The following AK8 variants were observed in gnomAD, a reference collection of about 807,000 sequenced individuals.
AK8 encodes the protein ATP-AMP transphosphorylase 8.
A neutral mutation model predicts 54.6 loss-of-function variants in AK8; 44 were observed. The ratio of observed to expected loss-of-function variants is 0.81; its 90% CI spans 0.63 to 1.04. AK8 has a LOEUF of 1.04. Among genes scored for constraint, AK8 ranks in the 50% least tolerant of loss-of-function variants. The pLI is 0.00. For missense variants in AK8, 555 were observed against 613.6 expected (o/e 0.90, Z 1.01); for synonymous variants, 239 against 245.6 (o/e 0.97, Z 0.25).
At chr9:132,810,309 G>A (rs1382059747) in intron 10 of AK8, among the ~76,000 whole-genome samples, 5 of 152,118 alleles carry the variant, frequency 3.3e-5, no homozygotes, top group Non-Finnish European at 5.9e-5. Context: ...GAAGTGATCC[G>A]GGTCTCGCTA....
chr9:132,753,514 G>A (rs972969994), intron 11 of AK8, among the ~76,000 whole-genome samples: 1 of 152,270 alleles, frequency 6.6e-6, no homozygotes, highest in Non-Finnish European at 1.5e-5. Flanking sequence ...GGGGCAGAGA[G>A]AGCTCATGAG....
intron 4 of AK8, among the ~76,000 whole-genome samples, chr9:132,856,775 C>T (rs746019413): frequency 1.7e-4 from 26 of 152,140 alleles, no homozygotes; most frequent in South Asian, 2.1e-4. Context: ...GTGGGCATGA[C>T]GGGTGTGGAA....
Position 132,831,549 on chromosome 9 carries a change from T to C in AK8, c.403-2823A>G, listed in dbSNP as rs548850771. On this transcript the variant is annotated intron_variant, in intron 5 of 12. Coordinates refer to ENST00000298545, the MANE Select transcript of AK8 (RefSeq NM_152572.3). ...AGCGAGTTGCTTCAAGTCTCCATTG[T>C]GTAGGAAGCGGGGTCAGGCAACTGG... 9.9e-5 allele frequency among the ~76,000 whole-genome samples: 15 copies of C among 152,278 alleles called. No homozygotes were observed. The South Asian group carries it at 1.9e-3, about 19-fold the overall frequency.
At chr9:132,858,876 A>G (rs1246917715) in intron 4 of AK8, among the ~76,000 whole-genome samples, 1 of 152,180 alleles carries the variant, frequency 6.6e-6, no homozygotes, top group Non-Finnish European at 1.5e-5. Context: ...GCACGGAAGG[A>G]CGTGGCAGCA....
intron 11 of AK8, among the ~76,000 whole-genome samples, chr9:132,749,239 T>C (rs1837792882): frequency 6.6e-6 from 1 of 151,964 alleles, no homozygotes; most frequent in African/African-American, 2.4e-5. Flanking sequence ...ATCTTCTCTT[T>C]GTAGGAGTTA....
chr9:132,746,510 C>T (rs1386313986), intron 11 of AK8, among the ~76,000 whole-genome samples: 1 of 152,220 alleles, frequency 6.6e-6, no homozygotes, highest in Non-Finnish European at 1.5e-5. Context: ...GTGGCCTTAG[C>T]ATCGAGGCTG....
chr9:132,812,564 G>GGGTGA (rs1564415185), intron 10 of AK8, among the ~76,000 whole-genome samples: 1 of 10,776 alleles, frequency 9.3e-5, no homozygotes, highest in Admixed American at 9.5e-4. Flanking sequence ...CGCCGCGCCC[G>GGGTGA]GCCGCTAGGT....
Position 132,799,455 on chromosome 9 carries a change from T to C in AK8, c.980-6680A>G, listed in dbSNP as rs1028889016. 9.9e-5 allele frequency among the ~76,000 whole-genome samples: 15 copies of C among 151,920 alleles called. No homozygotes were observed. The highest frequency in any genetic ancestry group is 1.6e-4 in the Non-Finnish European group (11 of 67,974). ...GTGCCTCCCCACACACCCTTGCACA[T>C]GCCCTGCACACGTCACCCCTCCATG... On this transcript the variant is annotated intron_variant, in intron 10 of 12. Coordinates refer to ENST00000298545, the MANE Select transcript of AK8 (RefSeq NM_152572.3). This position sits in a 1 kb window ranked among gnomAD's most constrained non-coding sequence, Gnocchi z 5.0.
intron 7 of AK8, 33 bp downstream of exon 7, chr9:132,827,980 C>T (rs774030270): frequency 6.4e-7 from 1 of 1,551,072 alleles, no homozygotes; most frequent in Non-Finnish European, 8.7e-7. Context: ...TCTGAAACCC[C>T]ATGGGGCTGG....
chr9:132,830,342 A>G (rs998239848), intron 5 of AK8, among the ~76,000 whole-genome samples: 6 of 152,216 alleles, frequency 3.9e-5, no homozygotes, highest in Non-Finnish European at 8.8e-5. Context: ...GACTTTTGAT[A>G]CATTTTGCCA....
chr9:132,742,520 G>T (rs571000673), intron 11 of AK8, among the ~76,000 whole-genome samples: 4 of 152,310 alleles, frequency 2.6e-5, no homozygotes, highest in Non-Finnish European at 5.9e-5. Context: ...ACACTCTGGG[G>T]TGACCTTTGG....
intron 11 of AK8, among the ~76,000 whole-genome samples, chr9:132,783,258 C>A (rs1224270274): frequency 6.6e-6 from 1 of 151,486 alleles, no homozygotes; most frequent in Non-Finnish European, 1.5e-5. Flanking sequence ...GGGTTGTGAG[C>A]CAAGGAATGT....
chr9:132,789,098 A>G (rs1406185942), intron 11 of AK8, among the ~76,000 whole-genome samples: 1 of 151,982 alleles, frequency 6.6e-6, no homozygotes, highest in African/African-American at 2.4e-5. Flanking sequence ...GATCGAGACC[A>G]TCCTGGCTAA....
At chr9:132,874,965 G>C (rs1384080238) in intron 2 of AK8, 150 bp downstream of exon 2, 1 of 1,011,354 alleles carries the variant, frequency 9.9e-7, no homozygotes, top group South Asian at 1.6e-5. Context: ...TTCAGACACA[G>C]GTAGGACAGA....
intron 5 of AK8, among the ~76,000 whole-genome samples, chr9:132,847,056 A>T (rs1842780076): frequency 6.6e-6 from 1 of 152,182 alleles, no homozygotes; most frequent in Admixed American, 6.5e-5. Flanking sequence ...GATCCCAGAG[A>T]CTTCTGCCTT....
rs199656850 is a variant in AK8 at position 132,854,901 on chromosome 9, G to A, written c.358C>T (p.Gln120Ter). The change falls in exon 5 of 13, where the codon CAG (glutamine) becomes TAG (stop). Residue 120 changes from glutamine to a stop codon, truncating the protein, a stop_gained. Coordinates refer to ENST00000298545, the MANE Select transcript of AK8 (RefSeq NM_152572.3). LOFTEE classifies it high-confidence loss of function. ...RKTVPSALLV[Q>*]LIQERLAEED... ...TCAGCCAGGCGTTCCTGAATCAGCTGGACGAGCAGCGCGCTGGGAACTGTC... is the reference window on the plus strand; with the variant it reads ...TCAGCCAGGCGTTCCTGAATCAGCTAGACGAGCAGCGCGCTGGGAACTGTC... The A allele has an allele frequency of 6.7e-5, 108 of 1,613,956 alleles. No individual in the cohort carries two copies. Among genetic ancestry groups the A allele is most frequent in the Non-Finnish European group, 8.6e-5 (102 of 1,180,038 alleles).
intron 9 of AK8, 40 bp downstream of exon 9, chr9:132,823,165 G>C (rs773330402): frequency 9.3e-6 from 14 of 1,506,028 alleles, no homozygotes; most frequent in Non-Finnish European, 1.1e-5. Context: ...GGCAGGGAAA[G>C]GCTCTCGAAG....
Position 132,850,360 on chromosome 9 carries a change from G to A in AK8, c.402+4497C>T, listed in dbSNP as rs375283694. 4.4e-3 allele frequency among the ~76,000 whole-genome samples: 655 copies of A among 149,766 alleles called. 1 individual carries two copies. The highest frequency in any genetic ancestry group is 0.012 in the Admixed American group (173 of 14,914). Reference sequence around the variant, plus strand: ...TCCTGCCTCAGCCTCCCAAAGTGCTGGGATTACAGGCGTGAGCCACTGCAT... The same window carrying A: ...TCCTGCCTCAGCCTCCCAAAGTGCTAGGATTACAGGCGTGAGCCACTGCAT... On this transcript the variant is annotated intron_variant, in intron 5 of 12. Transcript: ENST00000298545.
At chr9:132,783,211 A>T (rs1310781827) in intron 11 of AK8, among the ~76,000 whole-genome samples, 13 of 152,248 alleles carry the variant, frequency 8.5e-5, no homozygotes, top group Non-Finnish European at 1.5e-5. Flanking sequence ...CAGAGGAAGG[A>T]TGGGAGTTGC....
Sources: gnomAD v4.1 joint callset for allele counts (sites outside exome capture counted in the v4.1 genomes callset) on GRCh38, gnomAD v4.1.1 for gene constraint, Gnocchi (gnomAD v3.1) non-coding constraint, MANE v1.5 for transcripts, NCBI Gene and HGNC (gene_info 2026-07-23, HGNC 2026-07-21) for gene names.